SDC4: variants seen among roughly 807,000 people sequenced by gnomAD.
SDC4 encodes the protein syndecan 4.
A neutral mutation model predicts 20.5 loss-of-function variants in SDC4; 17 were observed. The observed-to-expected ratio is 0.83, with a 90% CI of 0.57 to 1.25. The LOEUF is 1.25. Among genes scored for constraint, SDC4 ranks in the 50% most tolerant of loss-of-function variants. The pLI is 0.00. For missense variants in SDC4, 241 were observed against 252.3 expected, an observed-to-expected ratio of 0.96 and a Z score of 0.30; for synonymous variants, 107 against 105.3, an observed-to-expected ratio of 1.02 and a Z score of -0.10.
rs1408090326 is a variant in SDC4 at position 45,348,331 on chromosome 20, G to T, written c.54C>A (p.Ala18=). The T allele has an allele frequency of 1.9e-6, 3 of 1,586,488 alleles. No homozygotes were observed. The highest frequency in any genetic ancestry group is 2.6e-6 in the Non-Finnish European group (3 of 1,167,746). ...GGAACCTCCAAGCACCCACCGACTC[G>T]GCGACTCCGCCTACGAAGAACAGCA... ...ALLLFFVGGV[A]ESIRETEVID... is the part of the protein sequence containing the mutation. Residue 18 remains alanine (A), a synonymous_variant, in exon 1 of 5, where the codon GCC becomes GCA. Transcript: ENST00000372733.
intron 4 of SDC4, among the ~76,000 whole-genome samples, chr20:45,327,757 C>T (rs1204322740): frequency 6.6e-6 from 1 of 152,248 alleles, no homozygotes; most frequent in Non-Finnish European, 1.5e-5. Context: ...AATTCTCCTG[C>T]CTCAGCCTCC....
rs1250474316 is a variant in SDC4 at position 45,325,347 on chromosome 20, T to C, written c.*1917A>G. The C allele has an allele frequency of 6.6e-6, 1 of 152,530 alleles. No homozygotes were observed. Among genetic ancestry groups the C allele is most frequent in the African/African-American group, 2.4e-5 (1 of 41,408 alleles). 9.4% of individuals were successfully genotyped at this position (152,530 alleles called of 1,614,324 possible). ...AAAAAAAATCAGTAACAGACAACAGTGTGAGAGGTGCCTACAGAGGAGGTG... is the reference window on the plus strand; with the variant it reads ...AAAAAAAATCAGTAACAGACAACAGCGTGAGAGGTGCCTACAGAGGAGGTG... On this transcript the variant is annotated 3_prime_UTR_variant, in exon 5 of 5. Transcript: ENST00000372733.
At chr20:45,328,625 T>C (rs572139189) in intron 4 of SDC4, among the ~76,000 whole-genome samples, 64 of 152,224 alleles carry the variant, frequency 4.2e-4, no homozygotes, top group African/African-American at 1.4e-3. Context: ...AATGACTCAT[T>C]CCTGTTTGCT....
intron 2 of SDC4, 92 bp from the exon 3 acceptor site, chr20:45,333,161 C>A (rs1987805387): frequency 8.4e-7 from 1 of 1,186,326 alleles, no homozygotes; most frequent in Non-Finnish European, 1.3e-6. Flanking sequence ...ACCTTACAAC[C>A]AGCTTCCAAA....
intron 1 of SDC4, among the ~76,000 whole-genome samples, chr20:45,342,621 T>TG (rs1987970570): frequency 8.1e-6 from 1 of 123,348 alleles, no homozygotes; most frequent in Non-Finnish European, 1.8e-5. Flanking sequence ...CCTGAAGGGG[T>TG]GGGGGCCGCT....
chr20:45,335,734 C>A, intron 2 of SDC4, 48 bp downstream of exon 2: 1 of 1,584,062 alleles, frequency 6.3e-7, no homozygotes, highest in Middle Eastern at 2.1e-4. Flanking sequence ...GTGAAGCCAC[C>A]ACTCCCTCCA....
At chr20:45,338,207 C>T (rs1167712546) in intron 1 of SDC4, among the ~76,000 whole-genome samples, 3 of 152,312 alleles carry the variant, frequency 2.0e-5, no homozygotes, top group South Asian at 2.1e-4. Context: ...AGTAAAGTCA[C>T]TTGTCCAAGG....
At position 45,330,328 on chromosome 20, in the gene SDC4, C is replaced by T. The variant is rs372827039; in HGVS notation, c.445+38G>A. On this transcript the variant is annotated intron_variant, in intron 4 of 4. Transcript: ENST00000372733. ...TGCTCTCCCCCGCTGAGCCCCATTC[C>T]ACCTTCAAGGCATCTTATAAGCAGC... is the stretch of plus-strand genomic sequence containing the variant. The T allele has an allele frequency of 6.3e-6, 10 of 1,592,810 alleles. No homozygotes were observed. The African/African-American group carries it at 1.3e-4, about 21-fold the overall frequency.
intron 1 of SDC4, among the ~76,000 whole-genome samples, chr20:45,342,215 T>A (rs945092754): frequency 1.3e-5 from 2 of 152,152 alleles, no homozygotes; most frequent in Non-Finnish European, 2.9e-5. Context: ...CTCAGCTGAT[T>A]AGATCAGCCC....
chr20:45,330,229 T>C, intron 4 of SDC4, 137 bp downstream of exon 4: 1 of 756,962 alleles, frequency 1.3e-6, no homozygotes, highest in African/African-American at 1.7e-5. Context: ...CTTTCAATGT[T>C]CTAGGGCAAC....
At position 45,330,457 on chromosome 20, in the gene SDC4, G is replaced by A. The variant is rs202236002; in HGVS notation, c.354C>T (p.Pro118=). ...TGGACACATCCTCACTCTCTTCAAC[G>A]GGTGAGATTCTCTTGGGGATAACCT... ...ENEVIPKRIS[P]VEESEDVSNK... is the part of the protein sequence containing the mutation. The change falls in exon 4 of 5, where the codon CCC becomes CCT. Residue 118 remains proline, a synonymous_variant. Coordinates refer to ENST00000372733, the MANE Select transcript of SDC4 (RefSeq NM_002999.4). 77 of 1,614,094 alleles carry A rather than the reference G, an allele frequency of 4.8e-5. No homozygotes were observed. Among genetic ancestry groups the A allele is most frequent in the African/African-American group, 1.2e-4 (9 of 74,932 alleles).
In SDC4 at chr20:45,326,937, G is replaced by C. The variant is rs745487562; in HGVS notation, c.*327C>G. ...CCGTTAGCCCCCTGGCTTCAGAGGAGCTCTGGATGAGGCATGGTCAGTATG... is the reference window on the plus strand; with the variant it reads ...CCGTTAGCCCCCTGGCTTCAGAGGACCTCTGGATGAGGCATGGTCAGTATG... On this transcript the variant is annotated 3_prime_UTR_variant, in exon 5 of 5. Transcript: ENST00000372733. 1.5e-5 allele frequency: 3 copies of C among 198,974 alleles called. No individual in the cohort carries two copies. Among genetic ancestry groups the C allele is most frequent in the African/African-American group, 4.6e-5 (2 of 43,402 alleles). The allele number at this position is 198,974 out of a possible 1,614,324, so 12.3% of individuals were successfully genotyped here. A position where few individuals can be genotyped will look rare whatever the true frequency, so the allele number is the denominator to read the frequency against.
chr20:45,330,228 T>A, intron 4 of SDC4, 138 bp downstream of exon 4: 1 of 751,834 alleles, frequency 1.3e-6, no homozygotes, highest in Non-Finnish European at 2.3e-6. Context: ...TCTTTCAATG[T>A]TCTAGGGCAA....
At chr20:45,344,170 T>C (rs1290917676) in intron 1 of SDC4, among the ~76,000 whole-genome samples, 1 of 152,224 alleles carries the variant, frequency 6.6e-6, no homozygotes, top group Non-Finnish European at 1.5e-5. Context: ...AAGTACTACC[T>C]GCTCTGCAGA....
At chr20:45,344,581 T>C (rs1047997840) in intron 1 of SDC4, among the ~76,000 whole-genome samples, 17 of 152,228 alleles carry the variant, frequency 1.1e-4, no homozygotes, top group Non-Finnish European at 2.1e-4. Context: ...GAGCCCAGCC[T>C]GGCTTCCCCA....
At chr20:45,336,808 C>A (rs1987877325) in intron 1 of SDC4, among the ~76,000 whole-genome samples, 1 of 152,124 alleles carries the variant, frequency 6.6e-6, no homozygotes. Context: ...CACGCACACC[C>A]TAAGACAGCC....
chr20:45,347,345 G>A (rs1988046779), intron 1 of SDC4, among the ~76,000 whole-genome samples: 1 of 152,186 alleles, frequency 6.6e-6, no homozygotes, highest in African/African-American at 2.4e-5. Context: ...CAGGCTGTGG[G>A]GGACAGATTG....
intron 1 of SDC4, among the ~76,000 whole-genome samples, chr20:45,341,873 C>T (rs1987957525): frequency 1.3e-5 from 2 of 152,194 alleles, no homozygotes; most frequent in African/African-American, 4.8e-5. Context: ...GACCCAGCAC[C>T]CTTGTTACTA....
Position 45,336,023 on chromosome 20 carries a change from C to T in SDC4, c.61-103G>A, listed in dbSNP as rs926290011. 3.0e-6 allele frequency: 4 copies of T among 1,322,056 alleles called. No individual in the cohort carries two copies. In the African/African-American group the frequency reaches 5.8e-5, roughly 19 times the overall value. The allele number at this position is 1,322,056 out of a possible 1,614,324, so 81.9% of individuals were successfully genotyped here. ...GGGCATTCAGAAACTAGAAAGAGAC[C>T]AGGCCAGGGCCTGGAGACCTGCGTC... On this transcript the variant is annotated intron_variant, in intron 1 of 4. Coordinates refer to ENST00000372733, the MANE Select transcript of SDC4 (RefSeq NM_002999.4).
Sources: gnomAD v4.1 joint callset for allele counts (sites outside exome capture counted in the v4.1 genomes callset) on GRCh38, gnomAD v4.1.1 for gene constraint, MANE v1.5 for transcripts, NCBI Gene and HGNC (gene_info 2026-07-23, HGNC 2026-07-21) for gene names.